The following PLCXD3 variants were observed in gnomAD, a reference collection of about 807,000 sequenced individuals.
PLCXD3 encodes phosphatidylinositol specific phospholipase C X domain containing 3.
Under a neutral mutation model 25.5 loss-of-function variants are expected in PLCXD3, and 19 were observed. The ratio of observed to expected loss-of-function variants is 0.75; its 90% CI spans 0.52 to 1.09. The LOEUF (loss-of-function observed/expected upper bound fraction) is 1.09, where lower values mean the gene tolerates loss of function less well. Ranked by LOEUF, PLCXD3 falls within the 50% of genes least tolerant of loss-of-function variation. The pLI, the probability that PLCXD3 is intolerant of heterozygous loss-of-function variation, is 0.00. For missense variants in PLCXD3, 411 were observed against 388.1 expected (o/e 1.06, Z -0.50); for synonymous variants, 174 against 137.6 (o/e 1.26, Z -1.85).
chr5:41,331,217 C>G (rs1326894169), intron 2 of PLCXD3, among the ~76,000 whole-genome samples: 1 of 152,116 alleles, frequency 6.6e-6, no homozygotes, highest in South Asian at 2.1e-4. Flanking sequence ...AGCCCAAAAT[C>G]TCCTTAAGCT....
chr5:41,498,309 CAAAT>C (rs1748883361), intron 1 of PLCXD3, among the ~76,000 whole-genome samples: 1 of 151,168 alleles, frequency 6.6e-6, no homozygotes, highest in Non-Finnish European at 1.5e-5. Context: ...AGAGAACACT[CAAAT>C]AAACAAAATC....
intron 2 of PLCXD3, among the ~76,000 whole-genome samples, chr5:41,315,765 G>A (rs1268473709): frequency 1.3e-5 from 2 of 152,192 alleles, no homozygotes; most frequent in Non-Finnish European, 2.9e-5. Flanking sequence ...TACAGTAATT[G>A]TGAGGCATTA....
At chr5:41,491,712 C>G (rs1204680287) in intron 1 of PLCXD3, among the ~76,000 whole-genome samples, 3 of 151,920 alleles carry the variant, frequency 2.0e-5, no homozygotes, top group African/African-American at 4.8e-5. Context: ...CTCTTTTGAT[C>G]TTTGTTGGTT....
chr5:41,311,212 G>A lies in PLCXD3; in HGVS notation c.*2405C>T, dbSNP rs988007891. ...AAGTCTGCCCAAAAACCAAATTTAC[G>A]GGACATACATTTCAATAATCCTAAT... is the stretch of plus-strand genomic sequence containing the variant. On this transcript the variant is annotated 3_prime_UTR_variant, in exon 3 of 3. Coordinates refer to ENST00000377801, the MANE Select transcript of PLCXD3 (RefSeq NM_001005473.3). 3.3e-5 allele frequency: 5 copies of A among 151,784 alleles called. No homozygotes were observed. The highest frequency in any genetic ancestry group is 3.9e-4 in the East Asian group (2 of 5,190). 9.4% of individuals were successfully genotyped at this position (151,784 alleles called of 1,614,324 possible).
chr5:41,462,642 C>T (rs1370847018), intron 1 of PLCXD3, among the ~76,000 whole-genome samples: 1 of 151,748 alleles, frequency 6.6e-6, no homozygotes, highest in Non-Finnish European at 1.5e-5. Context: ...AAAGTGTCTT[C>T]TTAAAGAAAA....
chr5:41,419,016 A>G (rs917310697), intron 1 of PLCXD3, among the ~76,000 whole-genome samples: 4 of 152,168 alleles, frequency 2.6e-5, no homozygotes, highest in African/African-American at 9.7e-5. Context: ...CTGAGGCCAC[A>G]GCCCTCGATT....
chr5:41,323,114 A>G (rs1056098106), intron 2 of PLCXD3, among the ~76,000 whole-genome samples: 3 of 152,252 alleles, frequency 2.0e-5, no homozygotes, highest in African/African-American at 4.8e-5. Flanking sequence ...GAAATAAGCC[A>G]GGTACAGAAA....
intron 1 of PLCXD3, among the ~76,000 whole-genome samples, chr5:41,385,628 A>AC (rs1745610514): frequency 6.6e-6 from 1 of 151,966 alleles, no homozygotes; most frequent in Admixed American, 6.6e-5. Context: ...CTGCATTCAT[A>AC]CCCCTCTCTG....
chr5:41,492,943 C>G (rs953614412), intron 1 of PLCXD3, among the ~76,000 whole-genome samples: 1 of 152,270 alleles, frequency 6.6e-6, no homozygotes, highest in African/African-American at 2.4e-5. Context: ...CAAAGTCATT[C>G]TCCCTCCAGC....
rs1289603341 is a variant in PLCXD3 at position 41,313,716 on chromosome 5, G to C, written c.867C>G (p.Gly289=). ...CAAAATCGGCAGTGACAATATTGATGCCACTCTCTCCTGGCTTCTGCGTGC... is the reference window on the plus strand; with the variant it reads ...CAAAATCGGCAGTGACAATATTGATCCCACTCTCTCCTGGCTTCTGCGTGC... The part of the protein sequence containing the change: ...WVRTQKPGES[G]INIVTADFVE... The change falls in exon 3 of 3, where the codon GGC becomes GGG. Residue 289 remains glycine, a synonymous_variant. Coordinates refer to ENST00000377801, the MANE Select transcript of PLCXD3 (RefSeq NM_001005473.3). The C allele has an allele frequency of 1.9e-6, 3 of 1,613,528 alleles. No individual in the cohort carries two copies. Among genetic ancestry groups the C allele is most frequent in the Non-Finnish European group, 2.5e-6 (3 of 1,179,752 alleles).
chr5:41,479,033 C>T (rs990694259), intron 1 of PLCXD3, among the ~76,000 whole-genome samples: 9 of 152,064 alleles, frequency 5.9e-5, no homozygotes, highest in Non-Finnish European at 1.3e-4. Context: ...GTGGGGATTA[C>T]AATTTGAGAT....
intron 1 of PLCXD3, among the ~76,000 whole-genome samples, chr5:41,403,411 T>TTTTTTTTTTTTG (rs1554047977): frequency 2.6e-5 from 1 of 38,316 alleles, no homozygotes; most frequent in Admixed American, 2.6e-4. Context: ...GTTTTTTTTT[T>TTTTTTTTTTTTG]TTTTTATTAT....
At chr5:41,492,358 G>C (rs1748721006) in intron 1 of PLCXD3, among the ~76,000 whole-genome samples, 1 of 152,088 alleles carries the variant, frequency 6.6e-6, no homozygotes, top group South Asian at 2.1e-4. Flanking sequence ...CTCTCTGGCT[G>C]CCCTTAACAT....
chr5:41,376,727 G>T (rs1745306582), intron 2 of PLCXD3, among the ~76,000 whole-genome samples: 1 of 151,904 alleles, frequency 6.6e-6, no homozygotes, highest in South Asian at 2.1e-4. Flanking sequence ...TAATTCTCCT[G>T]TTTCTCTCCA....
intron 1 of PLCXD3, 63 bp downstream of exon 1, chr5:41,510,360 TA>T: frequency 7.1e-7 from 1 of 1,405,528 alleles, no homozygotes; most frequent in South Asian, 1.2e-5. Context: ...TAGTGGCAGA[TA>T]AAGCAGGGCG....
chr5:41,472,070 C>T (rs1185522434), intron 1 of PLCXD3, among the ~76,000 whole-genome samples: 1 of 149,878 alleles, frequency 6.7e-6, no homozygotes, highest in African/African-American at 2.5e-5. Flanking sequence ...AAGCACCTGG[C>T]TCAATTCCAG....
chr5:41,398,575 A>G (rs1746080876), intron 1 of PLCXD3, among the ~76,000 whole-genome samples: 1 of 152,222 alleles, frequency 6.6e-6, no homozygotes, highest in Non-Finnish European at 1.5e-5. Flanking sequence ...AGTTCAACAT[A>G]TGCAAATCAA....
intron 1 of PLCXD3, among the ~76,000 whole-genome samples, chr5:41,451,430 A>C (rs189525478): frequency 6.6e-6 from 1 of 152,168 alleles, no homozygotes; most frequent in Non-Finnish European, 1.5e-5. Context: ...AGTGCCTCTG[A>C]TTGCAAAAGT....
chr5:41,442,056 T>C (rs1269398490), intron 1 of PLCXD3, among the ~76,000 whole-genome samples: 2 of 152,230 alleles, frequency 1.3e-5, no homozygotes, highest in Admixed American at 6.5e-5. Flanking sequence ...TGACGTCCAT[T>C]GAAGAACATG....
Sources: allele counts gnomAD v4.1 joint callset (sites outside exome capture counted in the v4.1 genomes callset), GRCh38; gene constraint gnomAD v4.1.1; transcripts MANE v1.5; gene names NCBI Gene and HGNC (gene_info 2026-07-23, HGNC 2026-07-21).